Variants in SGSM2 observed in about 807,000 individuals in gnomAD.
SGSM2 encodes the protein small G protein signaling modulator 2.
A neutral mutation model predicts 126.6 loss-of-function variants in SGSM2; 89 were observed. The ratio of observed to expected loss-of-function variants is 0.70; its 90% confidence interval spans 0.59 to 0.84. The LOEUF is 0.84. Among genes scored for constraint, SGSM2 ranks in the 40% least tolerant of loss-of-function variants. SGSM2 has a pLI of 0.00. For synonymous variants in SGSM2, 614 were observed against 574.3 expected (o/e 1.07, Z -0.99); for missense variants, 1,404 against 1,416.6 (o/e 0.99, Z 0.14).
chr17:2,372,597 T>C lies in SGSM2; in HGVS notation c.1788+109T>C. ...GGTGCGGTTGACAGGCCAGGGCCGA[T>C]GCCACGGAGTGACCAGGGTCCCGGC... On this transcript the variant is annotated intron_variant, in intron 15 of 23. Transcript: ENST00000268989. The surrounding 1 kb of genome is among the most constrained non-coding windows in gnomAD (Gnocchi z 6.0). 7.8e-6 allele frequency: 11 copies of C among 1,412,444 alleles called. No individual in the cohort carries two copies. Among genetic ancestry groups the C allele is most frequent in the Non-Finnish European group, 1.1e-5 (11 of 1,036,000 alleles). The allele number at this position is 1,412,444 out of a possible 1,614,324, so 87.5% of individuals were successfully genotyped here. A position where few individuals can be genotyped will look rare whatever the true frequency, so the allele number is the denominator to read the frequency against.
rs2066137311 is a variant in SGSM2, at chr17:2,376,154, T to C, written c.2502T>C (p.Thr834=). ...AAAYTIELLD[T]VALNLHRIDK... is the part of the protein sequence containing the mutation. ...TCTTCCAGATAGAATTACTGGACACTGTGGCCTTAAACCTGCACCGCATAG... is the reference window on the plus strand; with the variant it reads ...TCTTCCAGATAGAATTACTGGACACCGTGGCCTTAAACCTGCACCGCATAG... Residue 834 remains threonine (T), a synonymous_variant, in exon 19 of 24, where the codon ACT becomes ACC. Transcript: ENST00000268989. 1 of 1,614,076 alleles carries C rather than the reference T, an allele frequency of 6.2e-7. No individual in the cohort carries two copies. The highest frequency in any genetic ancestry group is 8.5e-7 in the Non-Finnish European group (1 of 1,179,994).
intron 23 of SGSM2, 90 bp from the exon 24 acceptor site, chr17:2,379,342 G>A (rs1379064159): frequency 6.4e-7 from 1 of 1,565,406 alleles, no homozygotes; most frequent in South Asian, 1.1e-5. Context: ...ATCTAGCAGA[G>A]CAGATGGAAA....
intron 17 of SGSM2, chr17:2,373,789 T>G: frequency 2.3e-6 from 1 of 431,612 alleles, no homozygotes; most frequent in Non-Finnish European, 4.2e-6. Flanking sequence ...AGGGAAGCCC[T>G]CCTCCTTGTA....
intron 1 of SGSM2, among the ~76,000 whole-genome samples, chr17:2,342,340 C>G (rs184415439): frequency 1.3e-4 from 19 of 151,870 alleles, no homozygotes; most frequent in African/African-American, 3.9e-4. Flanking sequence ...AGGAGAATCT[C>G]TTGAACCCGG....
At chr17:2,357,539 C>T (rs1213933295) in intron 2 of SGSM2, among the ~76,000 whole-genome samples, 2 of 151,972 alleles carry the variant, frequency 1.3e-5, no homozygotes, top group Non-Finnish European at 2.9e-5. Flanking sequence ...CTCTTGTCAC[C>T]CAGGCTGGAG....
chr17:2,369,267 G>T (rs1246209543), intron 12 of SGSM2, among the ~76,000 whole-genome samples: 1 of 152,136 alleles, frequency 6.6e-6, no homozygotes, highest in African/African-American at 2.4e-5. Context: ...TGAATCAGTG[G>T]CGGGGTGTCC....
Position 2,364,364 on chromosome 17 carries a change from TG to T in SGSM2, c.932+183del, listed in dbSNP as rs2065459914. 1.1e-5 allele frequency: 10 copies of T among 905,834 alleles called. No homozygotes were observed. The South Asian group carries it at 1.3e-4, about 12-fold the overall frequency. The allele number at this position is 905,834 out of a possible 1,614,324, so 56.1% of individuals were successfully genotyped here. A position where few individuals can be genotyped will look rare whatever the true frequency, so the allele number is the denominator to read the frequency against. On this transcript the variant is annotated intron_variant, in intron 8 of 23. Transcript: ENST00000268989. ...AAGCTCTCTAGGACGGAGCCAAGCC[TG>T]GCCGTGAAGAGGTTTGTCTGAGCCA...
chr17:2,376,926 T>C lies in SGSM2; in HGVS notation c.2693-33T>C, dbSNP rs372593637. The C allele has an allele frequency of 1.5e-4, 237 of 1,603,690 alleles. No individual in the cohort carries two copies. In the African/African-American group the frequency reaches 2.9e-3, roughly 19 times the overall value. The stretch of plus-strand genomic sequence containing the variant: ...AGCCGGCTCTGTCCCCTGCGTCTCC[T>C]GCCCTGCCAGCTTCACTCCTGTCTC... On this transcript the variant is annotated intron_variant, in intron 20 of 23. Coordinates refer to ENST00000268989, the MANE Select transcript of SGSM2 (RefSeq NM_014853.3).
rs2065860115 is a variant in SGSM2 at position 2,371,308 on chromosome 17, AGCCTGGC to A, written c.1471_1477del (p.Ala491ThrfsTer44). The A allele has an allele frequency of 1.2e-6, 2 of 1,612,434 alleles. No individual in the cohort carries two copies. The highest frequency in any genetic ancestry group is 2.7e-5 in the African/African-American group (2 of 74,936). ...TGCAGGGCTTTGGGCCCAGCCTGCCAGCCTGGCACCTGGAGCCCCTGTGCAGTCAGGG... is the reference window on the plus strand; with the variant it reads ...TGCAGGGCTTTGGGCCCAGCCTGCCAACCTGGAGCCCCTGTGCAGTCAGGG... On this transcript the variant is annotated frameshift_variant, in exon 13 of 24. Transcript: ENST00000268989. LOFTEE classifies it high-confidence loss of function.
intron 2 of SGSM2, among the ~76,000 whole-genome samples, chr17:2,345,595 CAA>C (rs1228278801): frequency 2.3e-4 from 19 of 84,184 alleles, no homozygotes; most frequent in Non-Finnish European, 1.4e-4. Flanking sequence ...GACTCTGTCT[CAA>C]AAAAAAAAAA....
At chr17:2,365,571 T>C (rs188882294) in intron 11 of SGSM2, among the ~76,000 whole-genome samples, 126 of 152,276 alleles carry the variant, frequency 8.3e-4, no homozygotes, top group African/African-American at 2.7e-3. Flanking sequence ...CCAGGACTCT[T>C]GGCTCAGCAG....
intron 11 of SGSM2, chr17:2,366,652 C>A: frequency 6.6e-6 from 1 of 152,446 alleles, no homozygotes; most frequent in Non-Finnish European, 1.5e-5. Context: ...TTTAGCTTCT[C>A]CAGTCTCTGC....
intron 1 of SGSM2, among the ~76,000 whole-genome samples, chr17:2,342,030 C>T (rs554842318): frequency 2.6e-5 from 4 of 152,120 alleles, no homozygotes; most frequent in Non-Finnish European, 5.9e-5. Flanking sequence ...TACAGCTATA[C>T]ACAACATGAA....
intron 2 of SGSM2, 118 bp downstream of exon 2, chr17:2,343,738 A>G: frequency 1.2e-6 from 1 of 825,090 alleles, no homozygotes; most frequent in Non-Finnish European, 2.0e-6. Flanking sequence ...GCAAGTCCAA[A>G]TCAACCTGGA....
chr17:2,339,012 T>C (rs527675063), intron 1 of SGSM2, among the ~76,000 whole-genome samples: 1 of 151,146 alleles, frequency 6.6e-6, no homozygotes, highest in African/African-American at 2.4e-5. Flanking sequence ...TGAGCCGATA[T>C]TGTGCCACTG....
At chr17:2,378,035 T>A in intron 22 of SGSM2, 82 bp downstream of exon 22, 2 of 890,534 alleles carry the variant, frequency 2.2e-6, no homozygotes, top group East Asian at 5.1e-5. Context: ...TTCTCAATCC[T>A]AACTGGACCT....
intron 2 of SGSM2, among the ~76,000 whole-genome samples, chr17:2,345,426 C>G (rs1420216750): frequency 6.6e-6 from 1 of 151,772 alleles, no homozygotes; most frequent in Non-Finnish European, 1.5e-5. Context: ...GAAACCCCGT[C>G]TCTACTAAAA....
chr17:2,346,160 T>G lies in SGSM2; in HGVS notation c.133+2540T>G, dbSNP rs77091269. Among the ~76,000 whole-genome samples the G allele has an allele frequency of 6.0e-3, 912 of 152,198 alleles. 5 individuals carry two copies. The highest frequency in any genetic ancestry group is 9.5e-3 in the Non-Finnish European group (646 of 68,002). ...GTCCTAGCCACGTCCGAATTCAGCTTTGTTGTGGGAGAAATGGGAGTATAG... is the reference window on the plus strand; with the variant it reads ...GTCCTAGCCACGTCCGAATTCAGCTGTGTTGTGGGAGAAATGGGAGTATAG... On this transcript the variant is annotated intron_variant, in intron 2 of 23. Transcript: ENST00000268989.
rs1172437538 is a variant in SGSM2, at chr17:2,363,370, G to T, written c.673-95G>T. The T allele has an allele frequency of 2.5e-6, 4 of 1,569,000 alleles. No individual in the cohort carries two copies. The South Asian group carries it at 4.5e-5, about 18-fold the overall frequency. ...AACCGGGGCAGGAAGGACCCCTGGG[G>T]TCAGCTGGAGAGGGTCAGCATGGAA... On this transcript the variant is annotated intron_variant, in intron 6 of 23. Transcript: ENST00000268989. This position sits in a 1 kb window ranked among gnomAD's most constrained non-coding sequence, Gnocchi z 4.2.
Sources: allele counts gnomAD v4.1 joint callset (sites outside exome capture counted in the v4.1 genomes callset), GRCh38; gene constraint gnomAD v4.1.1; non-coding constraint Gnocchi (gnomAD v3.1); transcripts MANE v1.5; gene names NCBI Gene and HGNC (gene_info 2026-07-23, HGNC 2026-07-21).